The following DUSP16 variants were observed in gnomAD, a reference collection of about 807,000 sequenced individuals.
DUSP16 encodes dual specificity phosphatase 16, also known as dual specificity protein phosphatase 16.
Under a neutral mutation model 58.3 loss-of-function variants are expected in DUSP16, and 21 were observed. The observed-to-expected ratio is 0.36, with a 90% CI of 0.26 to 0.52. The LOEUF (loss-of-function observed/expected upper bound fraction) is 0.52, where lower values mean the gene tolerates loss of function less well. Ranked by LOEUF, DUSP16 falls within the 20% of genes least tolerant of loss-of-function variation. The pLI, the probability that DUSP16 is intolerant of heterozygous loss-of-function variation, is 0.94. For synonymous variants in DUSP16, 320 were observed against 323.8 expected (o/e 0.99, Z 0.12); for missense variants, 726 against 819.0 (o/e 0.89, Z 1.39).
At chr12:12,515,986 G>C (rs1342410170) in intron 3 of DUSP16, among the ~76,000 whole-genome samples, 2 of 151,716 alleles carry the variant, frequency 1.3e-5, no homozygotes, top group Non-Finnish European at 2.9e-5. Context: ...ATGTTGGCCA[G>C]GCTGGTCTCG....
intron 3 of DUSP16, among the ~76,000 whole-genome samples, chr12:12,512,982 G>A (rs961105687): frequency 2.6e-5 from 4 of 152,080 alleles, no homozygotes; most frequent in Admixed American, 6.6e-5. Context: ...CATGAGGAAG[G>A]ACAGTAATCA....
chr12:12,501,730 G>A (rs1033624244), intron 3 of DUSP16, among the ~76,000 whole-genome samples: 3 of 152,168 alleles, frequency 2.0e-5, no homozygotes, highest in Non-Finnish European at 4.4e-5. Flanking sequence ...GGTGGCTCAC[G>A]CCTGTAATCC....
chr12:12,527,801 G>A (rs1313234506), intron 1 of DUSP16, among the ~76,000 whole-genome samples: 1 of 152,150 alleles, frequency 6.6e-6, no homozygotes, highest in Admixed American at 6.5e-5. Context: ...CCTGGAGACA[G>A]CAGTTATCCG....
chr12:12,515,437 C>T (rs573971829), intron 3 of DUSP16, among the ~76,000 whole-genome samples: 24 of 150,214 alleles, frequency 1.6e-4, no homozygotes, highest in Admixed American at 1.3e-3. Flanking sequence ...AAGCAATTCT[C>T]CTGCCTCAGC....
intron 6 of DUSP16, among the ~76,000 whole-genome samples, chr12:12,478,998 C>T (rs1487979068): frequency 1.3e-5 from 2 of 152,018 alleles, no homozygotes; most frequent in Non-Finnish European, 2.9e-5. Context: ...CCACAGAATC[C>T]TTAAGTGACT....
intron 1 of DUSP16, among the ~76,000 whole-genome samples, chr12:12,525,442 AT>A (rs1944292424): frequency 6.6e-6 from 1 of 150,398 alleles, no homozygotes. Context: ...CTAATTTTGT[AT>A]TTCTAGTAGA....
At chr12:12,500,357 T>C (rs1943890663) in intron 4 of DUSP16, among the ~76,000 whole-genome samples, 162 bp downstream of exon 4, 1 of 151,974 alleles carries the variant, frequency 6.6e-6, no homozygotes, top group Non-Finnish European at 1.5e-5. Context: ...TCAAACAAAT[T>C]AACACTCCAA....
chr12:12,547,705 ATAAG>A (rs1485592766), intron 1 of DUSP16, among the ~76,000 whole-genome samples: 1 of 152,132 alleles, frequency 6.6e-6, no homozygotes, highest in Non-Finnish European at 1.5e-5. Context: ...AAGCAGGAAA[ATAAG>A]TAAGATCAAA....
chr12:12,533,253 T>C (rs1944417161), intron 1 of DUSP16, among the ~76,000 whole-genome samples: 1 of 152,236 alleles, frequency 6.6e-6, no homozygotes, highest in African/African-American at 2.4e-5. Context: ...TCATTCAATT[T>C]ATAAAGTTTC....
At chr12:12,507,103 C>A (rs1944009092) in intron 3 of DUSP16, among the ~76,000 whole-genome samples, 1 of 152,190 alleles carries the variant, frequency 6.6e-6, no homozygotes, top group Non-Finnish European at 1.5e-5. Context: ...CTAAACAATT[C>A]CAATTAGTCA....
chr12:12,540,944 CTTTTCTTTTTTTTT>C (rs1944546944), intron 1 of DUSP16, among the ~76,000 whole-genome samples: 5 of 100,646 alleles, frequency 5.0e-5, no homozygotes, highest in Admixed American at 1.1e-4. Flanking sequence ...CTTTTCTTTT[CTTTTCTTTTTTTTT>C]TTTTTTTTTT....
At chr12:12,486,344 T>C (rs1041298673) in intron 5 of DUSP16, among the ~76,000 whole-genome samples, 8 of 152,160 alleles carry the variant, frequency 5.3e-5, no homozygotes, top group Admixed American at 1.3e-4. Context: ...GATCTGATCC[T>C]GTGGCACCAA....
intron 3 of DUSP16, among the ~76,000 whole-genome samples, 167 bp downstream of exon 3, chr12:12,519,695 T>TA (rs1841639976): frequency 6.6e-6 from 1 of 152,226 alleles, no homozygotes; most frequent in South Asian, 2.1e-4. Flanking sequence ...GGAAGAATGA[T>TA]ATAGTATTCA....
In DUSP16 at chr12:12,473,933, ATCAG is replaced by A. The variant is rs1156431679; in HGVS notation, c.*2896_*2899del. On this transcript the variant is annotated 3_prime_UTR_variant, in exon 7 of 7. Coordinates refer to ENST00000298573, the MANE Select transcript of DUSP16 (RefSeq NM_030640.3). ...CTACCATGTACTTGTGTGTTCTGGA[ATCAG>A]TCAGCTAGAAAATATTTACCAAGTG... is the stretch of plus-strand genomic sequence containing the variant. Among the ~76,000 whole-genome samples the A allele has an allele frequency of 4.6e-5, 7 of 152,214 alleles. No individual in the cohort carries two copies. Among genetic ancestry groups the A allele is most frequent in the African/African-American group, 1.7e-4 (7 of 41,450 alleles).
At chr12:12,487,663 G>A (rs910309872) in intron 4 of DUSP16, among the ~76,000 whole-genome samples, 9 of 151,662 alleles carry the variant, frequency 5.9e-5, no homozygotes, top group South Asian at 2.1e-4. Flanking sequence ...TGCTGATGGC[G>A]TGTGTGTGTG....
chr12:12,492,030 C>T (rs1395946498), intron 4 of DUSP16, among the ~76,000 whole-genome samples: 2 of 152,126 alleles, frequency 1.3e-5, no homozygotes, highest in African/African-American at 2.4e-5. Context: ...TTCCTCTGCC[C>T]TCATCAATTG....
At chr12:12,537,672 T>C (rs1462977487) in intron 1 of DUSP16, among the ~76,000 whole-genome samples, 1 of 152,192 alleles carries the variant, frequency 6.6e-6, no homozygotes, top group African/African-American at 2.4e-5. Context: ...AGCTCCACAG[T>C]CTAATTCTCT....
chr12:12,541,468 G>T (rs1944559455), intron 1 of DUSP16, among the ~76,000 whole-genome samples: 1 of 152,210 alleles, frequency 6.6e-6, no homozygotes, highest in Non-Finnish European at 1.5e-5. Flanking sequence ...GGGAAAATAA[G>T]AAACTCTTAT....
At chr12:12,506,611 T>C (rs1300822166) in intron 3 of DUSP16, among the ~76,000 whole-genome samples, 1 of 152,214 alleles carries the variant, frequency 6.6e-6, no homozygotes, top group Non-Finnish European at 1.5e-5. Flanking sequence ...CCACATGTGT[T>C]TCCCTAACAT....
Sources: allele counts gnomAD v4.1 joint callset (sites outside exome capture counted in the v4.1 genomes callset), GRCh38; gene constraint gnomAD v4.1.1; transcripts MANE v1.5; gene names NCBI Gene and HGNC (gene_info 2026-07-23, HGNC 2026-07-21).